MYT1L: variants seen among roughly 807,000 people sequenced by gnomAD.
MYT1L encodes myelin transcription factor 1 like, also known as myelin transcription factor 1-like protein.
Under a neutral mutation model 126.7 loss-of-function variants are expected in MYT1L, and 12 were observed. The ratio of observed to expected loss-of-function variants is 0.09; its 90% CI spans 0.06 to 0.15. The LOEUF (loss-of-function observed/expected upper bound fraction) is 0.15, where lower values mean the gene tolerates loss of function less well. Among genes scored for constraint, MYT1L ranks in the 10% least tolerant of loss-of-function variants. The probability of loss-of-function intolerance (pLI) is 1.00; values close to 1 mark genes in which losing one functional copy is unlikely to be tolerated. For synonymous variants in MYT1L, 541 were observed against 604.2 expected, an observed-to-expected ratio of 0.90 and a Z score of 1.53; for missense variants, 979 against 1,585.2, an observed-to-expected ratio of 0.62 and a Z score of 6.49.
In MYT1L at chr2:2,322,777, A is replaced by G. The variant is rs191901418; in HGVS notation, c.-521+8190T>C. Among the ~76,000 whole-genome samples the G allele has an allele frequency of 3.9e-5, 6 of 152,318 alleles. No homozygotes were observed. In the East Asian group the frequency reaches 1.2e-3, roughly 29 times the overall value. ...CCATCATAAAGCTAAAAGCAGCTAT[A>G]TTAATCATATAAAGCTTGGTTCAAC... is the stretch of plus-strand genomic sequence containing the variant. On this transcript the variant is annotated intron_variant, in intron 1 of 24. Transcript: ENST00000647738.
At chr2:1,835,544 C>T (rs530827813) in intron 21 of MYT1L, among the ~76,000 whole-genome samples, 1 of 152,272 alleles carries the variant, frequency 6.6e-6, no homozygotes, top group South Asian at 2.1e-4. Context: ...TGGTAAATTC[C>T]ATGCCATATG....
chr2:2,057,119 C>G (rs1177493783), intron 3 of MYT1L, among the ~76,000 whole-genome samples: 3 of 152,184 alleles, frequency 2.0e-5, no homozygotes, highest in Non-Finnish European at 2.9e-5. Flanking sequence ...CTCTTGTGTT[C>G]ATATATGTGC....
At chr2:2,180,967 CGTACCTGTGTGT>C (rs1209930069) in intron 2 of MYT1L, among the ~76,000 whole-genome samples, 1 of 119,282 alleles carries the variant, frequency 8.4e-6, no homozygotes, top group East Asian at 2.6e-4. Context: ...CACCTGTAAC[CGTACCTGTGTGT>C]GTACCTGTGT....
chr2:2,046,702 GCTGT>G (rs918303505), intron 4 of MYT1L, among the ~76,000 whole-genome samples: 6 of 152,116 alleles, frequency 3.9e-5, no homozygotes, highest in African/African-American at 9.7e-5. Flanking sequence ...TTCTGCACTG[GCTGT>G]CTATTTATAA....
chr2:2,256,551 G>T (rs2094818629), intron 2 of MYT1L, among the ~76,000 whole-genome samples: 1 of 152,194 alleles, frequency 6.6e-6, no homozygotes, highest in Non-Finnish European at 1.5e-5. Flanking sequence ...GATAAAGTTT[G>T]TCAACTACTG....
At position 1,943,223 on chromosome 2, in the gene MYT1L, A is replaced by T. The variant is rs1390151633; in HGVS notation, c.264T>A (p.Asp88Glu). The change falls in exon 9 of 25, where the codon GAT (aspartate) becomes GAA (glutamate). Residue 88 changes from aspartate (D) to glutamate (E), a missense_variant. By Grantham distance (45) the Asp-to-Glu change is conservative. Around this residue, in one of 12 missense-constraint regions of MYT1L, gnomAD observed 111 missense variants for 115.9 expected, o/e 0.96. Coordinates refer to ENST00000647738, the MANE Select transcript of MYT1L (RefSeq NM_001303052.2). This position sits in a 1 kb window ranked among gnomAD's most constrained non-coding sequence, Gnocchi z 4.4. ...FAVKADSSSV[D>E]ECDDSDGTED... ...CAGTCCCATCACTGTCGTCACACTCATCCACTGAGGAGCTGTCTGCTTTCA... is the reference window on the plus strand; with the variant it reads ...CAGTCCCATCACTGTCGTCACACTCTTCCACTGAGGAGCTGTCTGCTTTCA... 3.9e-6 allele frequency: 6 copies of T among 1,552,666 alleles called. No individual in the cohort carries two copies. Among genetic ancestry groups the T allele is most frequent in the Non-Finnish European group, 5.2e-6 (6 of 1,147,464 alleles).
At chr2:2,243,771 C>G (rs115936963) in intron 2 of MYT1L, among the ~76,000 whole-genome samples, 4 of 152,116 alleles carry the variant, frequency 2.6e-5, no homozygotes. Context: ...GTGGGAGCTG[C>G]GAGCAAAGTA....
chr2:2,180,528 CTG>C (rs766250921), intron 2 of MYT1L, among the ~76,000 whole-genome samples: 29 of 152,114 alleles, frequency 1.9e-4, no homozygotes, highest in Non-Finnish European at 4.0e-4. Flanking sequence ...GTGTGTGTAC[CTG>C]TGTGTGCACC....
intron 1 of MYT1L, chr2:2,326,083 G>C (rs1315789126): frequency 6.6e-6 from 1 of 152,256 alleles, no homozygotes; most frequent in Admixed American, 6.5e-5. Flanking sequence ...CTGTTCCGCA[G>C]TCTGCTTCTC....
At chr2:2,196,736 C>T (rs998917107) in intron 2 of MYT1L, among the ~76,000 whole-genome samples, 1 of 151,622 alleles carries the variant, frequency 6.6e-6, no homozygotes, top group Non-Finnish European at 1.5e-5. Flanking sequence ...CTATCACTAT[C>T]AAAGTTATAG....
intron 2 of MYT1L, among the ~76,000 whole-genome samples, chr2:2,222,131 G>A (rs899716747): frequency 6.6e-6 from 1 of 152,162 alleles, no homozygotes; most frequent in Admixed American, 6.5e-5. Flanking sequence ...GGATGTTAGA[G>A]CTCTGAAAAA....
At chr2:2,180,635 T>C (rs534117103) in intron 2 of MYT1L, among the ~76,000 whole-genome samples, 1 of 151,984 alleles carries the variant, frequency 6.6e-6, no homozygotes, top group East Asian at 1.9e-4. Flanking sequence ...TAGCTGTGTG[T>C]GCACCTGTAT....
intron 8 of MYT1L, among the ~76,000 whole-genome samples, chr2:1,958,153 A>G (rs563242754): frequency 3.4e-4 from 52 of 152,258 alleles, no homozygotes; most frequent in Non-Finnish European, 5.9e-4. Flanking sequence ...GAGAAATGCA[A>G]TATTGCTTCC....
At chr2:1,940,424 C>T (rs1273716286) in intron 9 of MYT1L, among the ~76,000 whole-genome samples, 1 of 150,840 alleles carries the variant, frequency 6.6e-6, no homozygotes. Context: ...CTGTCTCACA[C>T]TGCTAGCAGG....
chr2:1,903,002 T>A, intron 14 of MYT1L, 78 bp downstream of exon 14: 1 of 1,348,652 alleles, frequency 7.4e-7, no homozygotes, highest in Non-Finnish European at 1.1e-6. Flanking sequence ...TCAACTAATT[T>A]GTAGGACATT....
At chr2:2,217,691 C>CAA (rs1375307498) in intron 2 of MYT1L, among the ~76,000 whole-genome samples, 9 of 70,536 alleles carry the variant, frequency 1.3e-4, no homozygotes, top group African/African-American at 6.8e-4. Context: ...ACAACAACAA[C>CAA]AACAACAACA....
At chr2:1,923,310 T>C in intron 9 of MYT1L, 47 bp from the exon 10 acceptor site, 1 of 1,479,796 alleles carries the variant, frequency 6.8e-7, no homozygotes, top group Non-Finnish European at 9.1e-7. Flanking sequence ...AAGGAAAAAG[T>C]GGCTAGAACT....
chr2:1,940,252 C>G (rs2056489137), intron 9 of MYT1L, among the ~76,000 whole-genome samples: 1 of 150,864 alleles, frequency 6.6e-6, no homozygotes. Flanking sequence ...CTGTCTCACA[C>G]TGCTAGCAGG....
intron 8 of MYT1L, among the ~76,000 whole-genome samples, chr2:1,955,058 A>C (rs1197874466): frequency 6.6e-6 from 1 of 151,994 alleles, no homozygotes; most frequent in African/African-American, 2.4e-5. Flanking sequence ...AGGCTGAGGC[A>C]GGAGAATCTC....
Sources: gnomAD v4.1 joint callset for allele counts (sites outside exome capture counted in the v4.1 genomes callset) on GRCh38, gnomAD v4.1.1 for gene constraint, gnomAD v4.1.1 regional missense constraint, Gnocchi (gnomAD v3.1) non-coding constraint, MANE v1.5 for transcripts, NCBI Gene and HGNC (gene_info 2026-07-23, HGNC 2026-07-21) for gene names.